CPSF1: variants seen among roughly 807,000 people sequenced by gnomAD.
CPSF1 encodes cleavage and polyadenylation specific factor 1.
In CPSF1, 106 loss-of-function variants were observed where a neutral mutation model predicts 175.8. The observed-to-expected ratio is 0.60, with a 90% CI of 0.52 to 0.71. The LOEUF (loss-of-function observed/expected upper bound fraction) is 0.71, where lower values mean the gene tolerates loss of function less well. Among genes scored for constraint, CPSF1 ranks in the 30% least tolerant of loss-of-function variants. The pLI is 0.00. For synonymous variants in CPSF1, 1,024 were observed against 858.3 expected (o/e 1.19, Z -3.37); for missense variants, 1,734 against 2,022.9 (o/e 0.86, Z 2.74).
In CPSF1 at chr8:144,397,876, A is replaced by T. The variant is rs1554864644; in HGVS notation, c.2077T>A (p.Ser693Thr). 1 of 1,606,670 alleles carries T rather than the reference A, an allele frequency of 6.2e-7. No homozygotes were observed. Among genetic ancestry groups the T allele is most frequent in the South Asian group, 1.1e-5 (1 of 90,998 alleles). ...TACAGGCACAGCGTAATCACCTTGG[A>T]CTGCTGCGGGGAGAGGGGTGGGCTC... Reference protein sequence around the residue: ...ALHKPPLHHQSKVITLCLYRD... With the variant: ...ALHKPPLHHQTKVITLCLYRD... The change falls in exon 21 of 38, where the codon TCC becomes ACC. Residue 693 changes from serine (S) to threonine (T), a missense_variant. Ser to Thr is a moderately conservative substitution (Grantham distance 58). This residue lies in a region of CPSF1 where 280 missense variants were observed against 349.2 expected (regional missense o/e 0.80). Coordinates refer to ENST00000616140, the MANE Select transcript of CPSF1 (RefSeq NM_013291.3).
rs781884444 is a variant in CPSF1, at chr8:144,397,806, C to T, written c.2147G>A (p.Gly716Glu). ...GCGGCCCCCGAGCTCGTCACGGGCCCCACCCAGGCGGCTCTCAGTGGTGAA... is the reference window on the plus strand; with the variant it reads ...GCGGCCCCCGAGCTCGTCACGGGCCTCACCCAGGCGGCTCTCAGTGGTGAA... The part of the protein sequence containing the change: ...GMFTTESRLG[G>E]ARDELGGRSG... Residue 716 changes from glycine (G) to glutamate (E), a missense_variant, in exon 21 of 38, where the codon GGG becomes GAG. Physicochemically the swap from Gly to Glu is moderately conservative, Grantham distance 98 (BLOSUM62 -2). Coordinates refer to ENST00000616140, the MANE Select transcript of CPSF1 (RefSeq NM_013291.3). 1.9e-6 allele frequency: 3 copies of T among 1,611,114 alleles called. No homozygotes were observed. Among genetic ancestry groups the T allele is most frequent in the Non-Finnish European group, 1.7e-6 (2 of 1,179,322 alleles).
At chr8:144,408,857 A>C (rs1821638573) in intron 2 of CPSF1, among the ~76,000 whole-genome samples, 158 bp downstream of exon 2, 1 of 152,210 alleles carries the variant, frequency 6.6e-6, no homozygotes, top group Non-Finnish European at 1.5e-5. Flanking sequence ...AAAGGATCTG[A>C]GCACAAGAGA....
rs2116902884 is a variant in CPSF1 at position 144,405,657 on chromosome 8, G to A, written c.144+3358C>T. ...AAAAAAAAAGACAGCTGTATGAAAG[G>A]TGGCTGTCTCCCTCCCTCTCCAGGT... On this transcript the variant is annotated intron_variant, in intron 2 of 37. Transcript: ENST00000616140. 2.0e-5 allele frequency among the ~76,000 whole-genome samples: 3 copies of A among 152,226 alleles called. No homozygotes were observed. The East Asian group carries it at 5.8e-4, about 29-fold the overall frequency.
intron 2 of CPSF1, among the ~76,000 whole-genome samples, chr8:144,406,271 T>C (rs1203345203): frequency 2.0e-5 from 3 of 152,226 alleles, no homozygotes; most frequent in African/African-American, 7.2e-5. Context: ...TCACTGTTAC[T>C]GACTCTCCTC....
At position 144,398,071 on chromosome 8, in the gene CPSF1, G is replaced by A. The variant is rs1554864750; in HGVS notation, c.1956C>T (p.Ala652=). Residue 652 remains alanine, a synonymous_variant, in exon 20 of 38, where the codon GCC becomes GCT. Coordinates refer to ENST00000616140, the MANE Select transcript of CPSF1 (RefSeq NM_013291.3). ...CACTCATGATGACCACATAGGGGTC[G>A]GCCACGGCGCACTGCACGATGGGGG... ...LGAPIVQCAV[A]DPYVVIMSAE... The A allele has an allele frequency of 3.7e-6, 6 of 1,612,090 alleles. No homozygotes were observed. The highest frequency in any genetic ancestry group is 5.1e-6 in the Non-Finnish European group (6 of 1,179,584).
Position 144,401,658 on chromosome 8 carries a change from C to T in CPSF1, c.160G>A (p.Asp54Asn). 1 of 1,610,014 alleles carries T rather than the reference C, an allele frequency of 6.2e-7. No individual in the cohort carries two copies. The highest frequency in any genetic ancestry group is 1.7e-5 in the Admixed American group (1 of 59,446). The change falls in exon 3 of 38, where the codon GAC becomes AAC. Residue 54 changes from aspartate (D) to asparagine (N), a missense_variant. By Grantham distance (23) the Asp-to-Asn change is conservative. This residue lies in a region of CPSF1 where 126 missense variants were observed against 117.9 expected (regional missense o/e 1.07). Transcript: ENST00000616140. ...NRDAEALTKN[D>N]RSTEGKAHRE... ...CCACCACACTCACCTGTGCTCCTGT[C>T]ATTCTTGGTCAGAGCCTGGAGGGGA... is the stretch of plus-strand genomic sequence containing the variant.
intron 8 of CPSF1, 35 bp from the exon 9 acceptor site, chr8:144,400,311 T>C (rs2116874401): frequency 3.1e-6 from 5 of 1,611,678 alleles, no homozygotes; most frequent in Non-Finnish European, 4.2e-6. Flanking sequence ...GCAGGCTCAG[T>C]GCTCTCTCCA....
intron 2 of CPSF1, among the ~76,000 whole-genome samples, chr8:144,408,016 G>C (rs1821585961): frequency 6.6e-6 from 1 of 152,228 alleles, no homozygotes; most frequent in African/African-American, 2.4e-5. Context: ...CAAGCCTTCA[G>C]AGGACAGGAG....
Position 144,396,914 on chromosome 8 carries a change from C to G in CPSF1, c.2608G>C (p.Glu870Gln), listed in dbSNP as rs1354270439. The stretch of plus-strand genomic sequence containing the variant: ...GGGAAGGCCTCGTAGATAAGCAGCT[C>G]TTGGTCCACATGCACCTGGCAGGAT... ...RPYLLVHVDQ[E>Q]LLIYEAFPHD... Residue 870 changes from glutamate (E) to glutamine (Q), a missense_variant, in exon 24 of 38, where the codon GAG (glutamate) becomes CAG (glutamine). Physicochemically the swap from Glu to Gln is conservative, Grantham distance 29 (BLOSUM62 2). Coordinates refer to ENST00000616140, the MANE Select transcript of CPSF1 (RefSeq NM_013291.3). 2.5e-6 allele frequency: 4 copies of G among 1,613,170 alleles called. No homozygotes were observed. Among genetic ancestry groups the G allele is most frequent in the Non-Finnish European group, 3.4e-6 (4 of 1,179,628 alleles).
chr8:144,398,142 T>C lies in CPSF1; in HGVS notation c.1895-10A>G, dbSNP rs1820896477. ...AAGTGCAGCTGATTCACTGTAGGCATGGGGCAGTCAGCATGCGCCTCCCCA... is the reference window on the plus strand; with the variant it reads ...AAGTGCAGCTGATTCACTGTAGGCACGGGGCAGTCAGCATGCGCCTCCCCA... On this transcript the variant is annotated splice_polypyrimidine_tract_variant and intron_variant, in intron 19 of 37. Coordinates refer to ENST00000616140, the MANE Select transcript of CPSF1 (RefSeq NM_013291.3). The C allele has an allele frequency of 2.7e-6, 4 of 1,456,048 alleles. No homozygotes were observed. Among genetic ancestry groups the C allele is most frequent in the South Asian group, 2.7e-5 (2 of 73,986 alleles). 90.2% of individuals were successfully genotyped at this position (1,456,048 alleles called of 1,614,324 possible).
Position 144,407,639 on chromosome 8 carries a change from A to C in CPSF1, c.144+1376T>G, listed in dbSNP as rs1821565936. Among the ~76,000 whole-genome samples the C allele has an allele frequency of 2.6e-5, 4 of 152,264 alleles. No individual in the cohort carries two copies. In the South Asian group the frequency reaches 8.3e-4, roughly 32 times the overall value. ...GCCTGAACCCACGAGGCGGAGGTTA[A>C]AGTTAGCTGAGATCACACCACTTCA... On this transcript the variant is annotated intron_variant, in intron 2 of 37. Transcript: ENST00000616140.
intron 4 of CPSF1, 64 bp from the exon 5 acceptor site, chr8:144,401,355 C>A: frequency 6.2e-7 from 1 of 1,610,528 alleles, no homozygotes; most frequent in African/African-American, 1.3e-5. Flanking sequence ...CCCCCGGCAA[C>A]CAACGGCTGT....
intron 2 of CPSF1, 90 bp downstream of exon 2, chr8:144,408,925 G>A (rs2116912257): frequency 3.6e-4 from 540 of 1,488,190 alleles, no homozygotes; most frequent in Non-Finnish European, 4.5e-4. Context: ...CACTCAACTT[G>A]TCTGGGGCTT....
rs1431385260 is a variant in CPSF1 at position 144,396,455 on chromosome 8, G to A, written c.2872C>T (p.Arg958Ter). 8 of 1,601,360 alleles carry A rather than the reference G, an allele frequency of 5.0e-6. No individual in the cohort carries two copies. The highest frequency in any genetic ancestry group is 3.5e-5 in the Admixed American group (2 of 57,336). The change falls in exon 26 of 38, where the codon CGA (arginine) becomes TGA (stop). Residue 958 changes from arginine to a stop codon, truncating the protein, a stop_gained. Coordinates refer to ENST00000616140, the MANE Select transcript of CPSF1 (RefSeq NM_013291.3). LOFTEE classifies it high-confidence loss of function. ...PSPHWLLVTG[R>*]GALRLHPMAI... ...ATGGGGTGTAGCCGCAGAGCCCCTC[G>A]GCCGGTCACCAAGAGCCAGTGAGGG... is the stretch of plus-strand genomic sequence containing the variant.
Position 144,409,120 on chromosome 8 carries a change from A to C in CPSF1, c.39T>G (p.Gly13=). The change falls in exon 2 of 38, where the codon GGT becomes GGG. Residue 13 remains glycine (G), a synonymous_variant. Transcript: ENST00000616140. ...AGTTGCAGTACATGGAGAACTCCAG[A>C]CCGGTGGGCGGATGCGCCTGTTTGT... ...AVYKQAHPPT[G]LEFSMYCNFF... 6.2e-7 allele frequency: 1 copy of C among 1,613,164 alleles called. No individual in the cohort carries two copies. The highest frequency in any genetic ancestry group is 1.1e-5 in the South Asian group (1 of 91,026).
Position 144,394,351 on chromosome 8 carries a change from G to A in CPSF1, c.3744+28C>T, listed in dbSNP as rs1820564849. 2.5e-6 allele frequency: 4 copies of A among 1,590,452 alleles called. No homozygotes were observed. The South Asian group carries it at 3.4e-5, about 13-fold the overall frequency. Reference sequence around the variant, plus strand: ...GGTGCCTTGGGCGGGTACCCACCCAGACACGAGCACCGCCGCCACAGGTGT... The same window carrying A: ...GGTGCCTTGGGCGGGTACCCACCCAAACACGAGCACCGCCGCCACAGGTGT... On this transcript the variant is annotated intron_variant, in intron 32 of 37. Transcript: ENST00000616140.
Position 144,401,039 on chromosome 8 carries a change from G to A in CPSF1, c.424C>T (p.Arg142Trp), listed in dbSNP as rs2116880789. The A allele has an allele frequency of 3.7e-6, 6 of 1,607,926 alleles. No individual in the cohort carries two copies. The highest frequency in any genetic ancestry group is 2.2e-5 in the East Asian group (1 of 44,752). The stretch of plus-strand genomic sequence containing the variant: ...GCACAGCGCCCGTCGGGGTCCACCC[G>A]CACTCGCGGCGTGTGTACATTCTGC... ...FVQNVHTPRVRVDPDGRCAAM... is the reference protein window; with the variant it reads ...FVQNVHTPRVWVDPDGRCAAM... Residue 142 changes from arginine (R) to tryptophan (W), a missense_variant, in exon 6 of 38, where the codon CGG becomes TGG. By Grantham distance (101) the Arg-to-Trp change is moderately radical. Transcript: ENST00000616140.
chr8:144,401,706 G>A lies in CPSF1; in HGVS notation c.145-33C>T, dbSNP rs1554867332. 5 of 1,586,172 alleles carry A rather than the reference G, an allele frequency of 3.2e-6. No individual in the cohort carries two copies. In the Admixed American group the frequency reaches 7.2e-5, roughly 23 times the overall value. On this transcript the variant is annotated intron_variant, in intron 2 of 37. Coordinates refer to ENST00000616140, the MANE Select transcript of CPSF1 (RefSeq NM_013291.3). ...GGAGAGAAAGACAGGGCAGTGAGGG[G>A]CCACATCTGGCAGCTCACCTCATCC...
rs1426854605 is a variant in CPSF1, at chr8:144,400,256, C to T, written c.847G>A (p.Val283Ile). Residue 283 changes from valine (V) to isoleucine (I), a missense_variant, in exon 9 of 38, where the codon GTC becomes ATC. Transcript: ENST00000616140. ...KPIGGVVVFA[V>I]NSLLYLNQSV... ...TGGTTCAGGTACAACAGCGAGTTGA[C>T]GGCAAACACCACCACCCCACCTGGA... 1.2e-5 allele frequency: 19 copies of T among 1,597,062 alleles called. No homozygotes were observed. Among genetic ancestry groups the T allele is most frequent in the South Asian group, 4.5e-5 (4 of 89,232 alleles).
Sources: gnomAD v4.1 joint callset for allele counts (sites outside exome capture counted in the v4.1 genomes callset) on GRCh38, gnomAD v4.1.1 for gene constraint, gnomAD v4.1.1 regional missense constraint, MANE v1.5 for transcripts, NCBI Gene and HGNC (gene_info 2026-07-23, HGNC 2026-07-21) for gene names.